Variants in SIPA1L1 observed in about 807,000 individuals in gnomAD.
SIPA1L1 encodes signal-induced proliferation-associated 1-like protein 1.
In SIPA1L1, 26 loss-of-function variants were observed where a neutral mutation model predicts 162.7. The observed-to-expected ratio is 0.16, with a 90% CI of 0.12 to 0.22. The LOEUF is 0.22. Ranked by LOEUF, SIPA1L1 falls within the 10% of genes least tolerant of loss-of-function variation. The pLI is 1.00. For synonymous variants in SIPA1L1, 829 were observed against 837.4 expected (o/e 0.99, Z 0.17); for missense variants, 1,874 against 2,241.0 (o/e 0.84, Z 3.31).
intron 2 of SIPA1L1, among the ~76,000 whole-genome samples, chr14:71,370,900 A>G (rs2038826066): frequency 6.6e-6 from 1 of 152,180 alleles, no homozygotes; most frequent in Admixed American, 6.5e-5. Context: ...ATTTAACATA[A>G]GCAGAAATAG....
At chr14:71,650,557 T>C in intron 8 of SIPA1L1, 48 bp downstream of exon 8, 2 of 1,561,188 alleles carry the variant, frequency 1.3e-6, no homozygotes, top group Non-Finnish European at 1.8e-6. Context: ...CCCCCTGTTG[T>C]GCTGTTGTGC....
At chr14:71,666,126 T>TA (rs1298389955) in intron 10 of SIPA1L1, among the ~76,000 whole-genome samples, 2 of 152,242 alleles carry the variant, frequency 1.3e-5, no homozygotes, top group Non-Finnish European at 2.9e-5. Flanking sequence ...AAGAGACAAA[T>TA]ATGTGCCTCA....
At chr14:71,707,052 A>G (rs2082498334) in intron 16 of SIPA1L1, among the ~76,000 whole-genome samples, 2 of 147,832 alleles carry the variant, frequency 1.4e-5, no homozygotes, top group South Asian at 4.3e-4. Flanking sequence ...AAAAAAAAAG[A>G]AACTGGCATG....
At chr14:71,659,683 A>G (rs116872566) in intron 9 of SIPA1L1, among the ~76,000 whole-genome samples, 210 of 152,314 alleles carry the variant, frequency 1.4e-3, no homozygotes, top group Non-Finnish European at 2.5e-3. Flanking sequence ...TTAGAAGAGA[A>G]AGATGAGATT....
rs530530059 is a variant in SIPA1L1 at position 71,664,441 on chromosome 14, G to A, written c.2255+2974G>A. Among the ~76,000 whole-genome samples, 347 of 152,050 alleles carry A rather than the reference G, an allele frequency of 2.3e-3. 2 individuals are homozygous for A. Among genetic ancestry groups the A allele is most frequent in the Middle Eastern group, 6.8e-3 (2 of 294 alleles). On this transcript the variant is annotated intron_variant, in intron 10 of 23. Coordinates refer to ENST00000381232, the MANE Select transcript of SIPA1L1 (RefSeq NM_001386936.1). Reference sequence around the variant, plus strand: ...TTTAAATTTTTGTGGGTACATAGTAGGTGTATATATTTTTGGGTTACATGA... The same window carrying A: ...TTTAAATTTTTGTGGGTACATAGTAAGTGTATATATTTTTGGGTTACATGA...
chr14:71,735,204 A>C, intron 21 of SIPA1L1, 73 bp from the exon 22 acceptor site: 1 of 974,030 alleles, frequency 1.0e-6, no homozygotes, highest in African/African-American at 1.6e-5. Flanking sequence ...CAACTAGACC[A>C]CTTGTTGACT....
rs146772969 is a variant in SIPA1L1, at chr14:71,640,772, G to C, written c.1819-9563G>C. Among the ~76,000 whole-genome samples the C allele has an allele frequency of 2.8e-4, 43 of 152,240 alleles. No homozygotes were observed. In the East Asian group the frequency reaches 8.3e-3, roughly 29 times the overall value. ...CCCGCAGAGCTGGGATTACAAGTGTGTGCCCCTACGCCCGGCTAACTTTTG... is the reference window on the plus strand; with the variant it reads ...CCCGCAGAGCTGGGATTACAAGTGTCTGCCCCTACGCCCGGCTAACTTTTG... On this transcript the variant is annotated intron_variant, in intron 7 of 23. Transcript: ENST00000381232.
At chr14:71,555,345 C>A (rs990242810) in intron 4 of SIPA1L1, among the ~76,000 whole-genome samples, 1 of 152,198 alleles carries the variant, frequency 6.6e-6, no homozygotes, top group Non-Finnish European at 1.5e-5. Context: ...CCTGATGAAC[C>A]AATGTCTGCT....
At chr14:71,598,999 C>T (rs1304853721) in intron 5 of SIPA1L1, among the ~76,000 whole-genome samples, 2 of 152,142 alleles carry the variant, frequency 1.3e-5, no homozygotes, top group South Asian at 2.1e-4. Context: ...TATCGTTACA[C>T]TCTCTACCTC....
intron 4 of SIPA1L1, among the ~76,000 whole-genome samples, chr14:71,565,010 A>G (rs963502186): frequency 1.3e-5 from 2 of 152,212 alleles, no homozygotes; most frequent in African/African-American, 4.8e-5. Context: ...TCACACGATC[A>G]GATTGACAAA....
chr14:71,563,869 A>T (rs1244531095), intron 4 of SIPA1L1, among the ~76,000 whole-genome samples: 2 of 152,162 alleles, frequency 1.3e-5, no homozygotes, highest in East Asian at 3.9e-4. Flanking sequence ...TTCTTCTTAT[A>T]CTGCAGTGTG....
intron 2 of SIPA1L1, among the ~76,000 whole-genome samples, chr14:71,432,077 T>C (rs2044030356): frequency 6.6e-6 from 1 of 151,930 alleles, no homozygotes; most frequent in South Asian, 2.1e-4. Flanking sequence ...TTTCTTTTTC[T>C]TTTTTTTAAT....
chr14:71,709,151 G>A, intron 16 of SIPA1L1, 71 bp from the exon 17 acceptor site: 1 of 1,288,300 alleles, frequency 7.8e-7, no homozygotes, highest in Non-Finnish European at 1.1e-6. Context: ...ATTAATCACA[G>A]TGTCATTTCT....
At chr14:71,637,779 A>G (rs1350020869) in intron 7 of SIPA1L1, among the ~76,000 whole-genome samples, 3 of 152,170 alleles carry the variant, frequency 2.0e-5, no homozygotes. Flanking sequence ...AACATGGTAT[A>G]TAGTTATATA....
At chr14:71,624,509 C>T (rs1365812403) in intron 7 of SIPA1L1, among the ~76,000 whole-genome samples, 2 of 152,008 alleles carry the variant, frequency 1.3e-5, no homozygotes, top group Non-Finnish European at 2.9e-5. Context: ...GTAAGTTTTT[C>T]GAGTGTCCAA....
chr14:71,483,364 T>G (rs1230041532), intron 2 of SIPA1L1, among the ~76,000 whole-genome samples: 1 of 152,216 alleles, frequency 6.6e-6, no homozygotes. Flanking sequence ...GTGCGCACAT[T>G]GCTCTTTGTG....
At chr14:71,507,085 C>T (rs971622761) in intron 2 of SIPA1L1, among the ~76,000 whole-genome samples, 4 of 152,196 alleles carry the variant, frequency 2.6e-5, no homozygotes, top group African/African-American at 7.2e-5. Context: ...AGTCTGATGG[C>T]TTTTGCAGTG....
chr14:71,320,813 G>A (rs2032659560), intron 1 of SIPA1L1, among the ~76,000 whole-genome samples: 1 of 152,168 alleles, frequency 6.6e-6, no homozygotes, highest in Admixed American at 6.5e-5. Context: ...GGCGGGATGG[G>A]GGCGCTGAGC....
rs570277662 is a variant in SIPA1L1, at chr14:71,343,545, A to T, written c.-465+22364A>T. On this transcript the variant is annotated intron_variant, in intron 2 of 23. Coordinates refer to ENST00000381232, the MANE Select transcript of SIPA1L1 (RefSeq NM_001386936.1). The stretch of plus-strand genomic sequence containing the variant: ...ACTTCGTGGAAAATTTGGAAAATAC[A>T]GGAAAGTATGAGGAAGAAAAATGTC... 4.6e-5 allele frequency among the ~76,000 whole-genome samples: 7 copies of T among 152,306 alleles called. No individual in the cohort carries two copies. The South Asian group carries it at 1.5e-3, about 32-fold the overall frequency.
Sources: gnomAD v4.1 joint callset for allele counts (sites outside exome capture counted in the v4.1 genomes callset) on GRCh38, gnomAD v4.1.1 for gene constraint, MANE v1.5 for transcripts, NCBI Gene and HGNC (gene_info 2026-07-23, HGNC 2026-07-21) for gene names.